NSD1: variants seen among roughly 807,000 people sequenced by gnomAD.
NSD1 encodes nuclear receptor binding SET domain protein 1.
A neutral mutation model predicts 242.7 loss-of-function variants in NSD1; 26 were observed. The ratio of observed to expected loss-of-function variants is 0.11; its 90% CI spans 0.08 to 0.15. NSD1 has a LOEUF of 0.15. NSD1 is among the 10% of genes least tolerant of loss of function. The pLI, the probability that NSD1 is intolerant of heterozygous loss-of-function variation, is 1.00. For synonymous variants in NSD1, 1,106 were observed against 1,178.1 expected (o/e 0.94, Z 1.25); for missense variants, 2,495 against 3,272.8 (o/e 0.76, Z 5.80).
intron 4 of NSD1, among the ~76,000 whole-genome samples, chr5:177,207,399 C>T (rs1762964094): frequency 6.6e-6 from 1 of 151,824 alleles, no homozygotes; most frequent in Non-Finnish European, 1.5e-5. Flanking sequence ...TCTCCTGCCT[C>T]AGCCTCCCGA....
chr5:177,260,584 G>C (rs1388268636), intron 14 of NSD1, among the ~76,000 whole-genome samples: 1 of 152,040 alleles, frequency 6.6e-6, no homozygotes, highest in Non-Finnish European at 1.5e-5. Context: ...CTGCCCTCTA[G>C]TGATTTGCCC....
intron 2 of NSD1, among the ~76,000 whole-genome samples, chr5:177,157,094 A>G (rs1229302481): frequency 6.6e-6 from 1 of 152,090 alleles, no homozygotes; most frequent in Non-Finnish European, 1.5e-5. Flanking sequence ...TAGGCCGGGT[A>G]CGGTGGCTCA....
chr5:177,179,509 C>T (rs1440023805), intron 2 of NSD1, among the ~76,000 whole-genome samples: 1 of 152,184 alleles, frequency 6.6e-6, no homozygotes, highest in Non-Finnish European at 1.5e-5. Context: ...GCCACTGTGC[C>T]CAGCTAGTTT....
At chr5:177,132,305 CCATCTG>C (rs1755934796), upstream of NSD1, among the ~76,000 whole-genome samples, 2 of 151,570 alleles carry the variant, frequency 1.3e-5, no homozygotes, top group African/African-American at 2.4e-5. The surrounding 1 kb of genome is among the most constrained non-coding windows in gnomAD (Gnocchi z 7.5). Flanking sequence ...CACGAGAGGG[CCATCTG>C]CCTGGGTGCC....
intron 2 of NSD1, among the ~76,000 whole-genome samples, chr5:177,185,987 ATT>A (rs1194558687): frequency 1.0e-5 from 1 of 97,408 alleles, no homozygotes; most frequent in East Asian, 2.7e-4. Context: ...TATATTATAT[ATT>A]TTATATTATA....
chr5:177,188,489 C>T (rs980729614), intron 2 of NSD1, among the ~76,000 whole-genome samples: 31 of 150,952 alleles, frequency 2.1e-4, no homozygotes, highest in African/African-American at 7.5e-4. Context: ...TTGTTAAAGT[C>T]TTTACTCATT....
chr5:177,294,731 G>A lies in NSD1; in HGVS notation c.7363G>A (p.Val2455Met). The A allele has an allele frequency of 6.2e-7, 1 of 1,614,248 alleles. No individual in the cohort carries two copies. Among genetic ancestry groups the A allele is most frequent in the South Asian group, 1.1e-5 (1 of 91,088 alleles). The change falls in exon 23 of 23, where the codon GTG (valine) becomes ATG (methionine). Residue 2455 changes from valine (V) to methionine (M), a missense_variant. This residue lies in a region of NSD1 where 475 missense variants were observed against 563.7 expected (regional missense o/e 0.84). Transcript: ENST00000439151. ...TCAGTCAAAAAATAGAGCTGCTTTG[G>A]TGATGGATCTCATAGACCTAACTCC... ...NTQSKNRAAL[V>M]MDLIDLTPRQ... is the part of the protein sequence containing the mutation.
intron 2 of NSD1, among the ~76,000 whole-genome samples, chr5:177,173,147 C>G (rs1759858141): frequency 6.6e-6 from 1 of 151,186 alleles, no homozygotes; most frequent in South Asian, 2.1e-4. Flanking sequence ...AAAAAATTAG[C>G]CGGGCGTGGT....
chr5:177,249,967 T>C (rs1380529870), intron 11 of NSD1, among the ~76,000 whole-genome samples: 1 of 152,192 alleles, frequency 6.6e-6, no homozygotes, highest in Admixed American at 6.5e-5. Context: ...GTGCCTGTAA[T>C]TCCCCTGCTG....
chr5:177,211,245 C>T lies in NSD1; in HGVS notation c.2846C>T (p.Pro949Leu), dbSNP rs1331443847. Residue 949 changes from proline to leucine, a missense_variant, in exon 5 of 23, where the codon CCT becomes CTT. Coordinates refer to ENST00000439151, the MANE Select transcript of NSD1 (RefSeq NM_022455.5). Reference protein sequence around the residue: ...PGRGDCSTNSPVGVSKVLVSG... With the variant: ...PGRGDCSTNSLVGVSKVLVSG... ...CGTGGGGACTGTTCTACTAATAGTCCTGTAGGAGTCTCTAAGGTTTTGGTT... is the reference window on the plus strand; with the variant it reads ...CGTGGGGACTGTTCTACTAATAGTCTTGTAGGAGTCTCTAAGGTTTTGGTT... 2.5e-6 allele frequency: 4 copies of T among 1,613,870 alleles called. No individual in the cohort carries two copies. The African/African-American group carries it at 5.3e-5, about 22-fold the overall frequency.
In NSD1 at chr5:177,212,202, A is replaced by G. The variant is rs2149849817; in HGVS notation, c.3796+7A>G. 1 of 1,611,454 alleles carries G rather than the reference A, an allele frequency of 6.2e-7. No homozygotes were observed. Among genetic ancestry groups the G allele is most frequent in the Non-Finnish European group, 8.5e-7 (1 of 1,179,520 alleles). ...GCTGAGCTCCCTGAACCAGGTAAGG[A>G]CATCTAAATGTGATAAAAAAAAAAA... is the stretch of plus-strand genomic sequence containing the variant. On this transcript the variant is annotated splice_region_variant and intron_variant, in intron 5 of 22. Coordinates refer to ENST00000439151, the MANE Select transcript of NSD1 (RefSeq NM_022455.5).
At chr5:177,264,516 T>C (rs1757260536) in intron 14 of NSD1, among the ~76,000 whole-genome samples, 1 of 152,218 alleles carries the variant, frequency 6.6e-6, no homozygotes, top group Non-Finnish European at 1.5e-5. Flanking sequence ...TGCAACATAA[T>C]TGTTCTTCAG....
chr5:177,136,996 A>G, intron 2 of NSD1: 1 of 629,152 alleles, frequency 1.6e-6, no homozygotes, highest in Non-Finnish European at 2.9e-6. Flanking sequence ...TGTGATATGT[A>G]TATATTCCGT....
chr5:177,272,457 A>G (rs1030782530), intron 16 of NSD1, among the ~76,000 whole-genome samples: 1 of 152,170 alleles, frequency 6.6e-6, no homozygotes, highest in African/African-American at 2.4e-5. Context: ...GACTTGGGGA[A>G]AGGCACAGAG....
intron 2 of NSD1, among the ~76,000 whole-genome samples, chr5:177,159,137 G>C (rs1036769478): frequency 6.7e-6 from 1 of 149,312 alleles, no homozygotes; most frequent in Admixed American, 6.7e-5. Context: ...CCGCCTCCGG[G>C]GTTCAAGTGA....
In NSD1 at chr5:177,135,245, A is replaced by G. The variant is rs200735877; in HGVS notation, c.142A>G (p.Met48Val). The G allele has an allele frequency of 6.2e-5, 100 of 1,613,738 alleles. 2 individuals are homozygous for G. The South Asian group carries it at 9.0e-4, about 15-fold the overall frequency. ...TTCTGAGCCACTTAATGGGTGTACT[A>G]TGCAGTTATCGACTGTCAGTGGAAC... ...NFSEPLNGCT[M>V]QLSTVSGTSQ... The change falls in exon 2 of 23, where the codon ATG becomes GTG. Residue 48 changes from methionine to valine, a missense_variant. Met to Val is a conservative substitution (Grantham distance 21, BLOSUM62 1). This residue lies in a region of NSD1 where 376 missense variants were observed against 367.4 expected (regional missense o/e 1.02). Transcript: ENST00000439151.
intron 9 of NSD1, among the ~76,000 whole-genome samples, chr5:177,244,706 T>G (rs1297175018): frequency 6.6e-6 from 1 of 152,210 alleles, no homozygotes; most frequent in Non-Finnish European, 1.5e-5. Flanking sequence ...TTAGTGTCAT[T>G]TTTGAAATAT....
At chr5:177,221,471 T>A (rs1177032364) in intron 5 of NSD1, among the ~76,000 whole-genome samples, 1 of 152,054 alleles carries the variant, frequency 6.6e-6, no homozygotes. Context: ...AACTCTTTTT[T>A]TCCCCCCAAT....
rs57206832 is a variant in NSD1 at position 177,158,821 on chromosome 5, C to CAAAAA, written c.927+22801_927+22805dup. ...TAGGTGATGAAGTGAGACTTCATCTCAAAAAAAAAAAAAAGGAAGTAATGG... is the reference window on the plus strand; with the variant it reads ...TAGGTGATGAAGTGAGACTTCATCTCAAAAAAAAAAAAAAAAAAAGGAAGTAATGG... On this transcript the variant is annotated intron_variant, in intron 2 of 22. Transcript: ENST00000439151. 1.5e-4 allele frequency among the ~76,000 whole-genome samples: 12 copies of CAAAAA among 80,330 alleles called. 2 individuals are homozygous for CAAAAA. Among genetic ancestry groups the CAAAAA allele is most frequent in the African/African-American group, 6.5e-4 (12 of 18,414 alleles). 52.7% of individuals were successfully genotyped at this position (80,330 alleles called of 152,430 possible).
Sources: gnomAD v4.1 joint callset for allele counts (sites outside exome capture counted in the v4.1 genomes callset) on GRCh38, gnomAD v4.1.1 for gene constraint, gnomAD v4.1.1 regional missense constraint, Gnocchi (gnomAD v3.1) non-coding constraint, MANE v1.5 for transcripts, NCBI Gene and HGNC (gene_info 2026-07-23, HGNC 2026-07-21) for gene names.